The following MTSS1 variants were observed in gnomAD, a reference collection of about 807,000 sequenced individuals.
The protein encoded by MTSS1 is protein MTSS 1.
A neutral mutation model predicts 79.0 loss-of-function variants in MTSS1; 18 were observed. That is an observed-to-expected ratio of 0.23 (90% CI 0.16 to 0.34). The LOEUF (loss-of-function observed/expected upper bound fraction) is 0.34. Among genes scored for constraint, MTSS1 ranks in the 10% least tolerant of loss-of-function variants. MTSS1 has a pLI of 1.00. For missense variants in MTSS1, 815 were observed against 986.2 expected (o/e 0.83, Z 2.33); for synonymous variants, 341 against 368.6 (o/e 0.93, Z 0.86).
intron 4 of MTSS1, among the ~76,000 whole-genome samples, chr8:124,590,640 A>T (rs1831690486): frequency 6.6e-6 from 1 of 152,136 alleles, no homozygotes; most frequent in Non-Finnish European, 1.5e-5. Flanking sequence ...GTCCATTTTC[A>T]CTTGAACATT....
At chr8:124,708,382 A>G (rs1830686698) in intron 1 of MTSS1, among the ~76,000 whole-genome samples, 1 of 152,232 alleles carries the variant, frequency 6.6e-6, no homozygotes, top group Non-Finnish European at 1.5e-5. Context: ...TGTGGGGGAC[A>G]GACTGTAAAG....
Position 124,568,556 on chromosome 8 carries a change from A to G in MTSS1, c.461-20T>C, listed in dbSNP as rs1827026963. 1 of 1,614,138 alleles carries G rather than the reference A, an allele frequency of 6.2e-7. No individual in the cohort carries two copies. ...CTCTCCCTGCAAAAAACAGAGACCC[A>G]AGCACGGCTTGCTGAAATACCAGCT... On this transcript the variant is annotated intron_variant, in intron 6 of 13. Transcript: ENST00000518547.
chr8:124,691,319 A>C (rs7014786), intron 3 of MTSS1, among the ~76,000 whole-genome samples: 42,628 of 152,064 alleles, frequency 0.28, 6,242 homozygotes, highest in East Asian at 0.5. Context: ...TATCTTGAAG[A>C]TATGCTTACA....
intron 3 of MTSS1, among the ~76,000 whole-genome samples, chr8:124,633,241 T>C (rs1054746360): frequency 3.9e-5 from 6 of 152,196 alleles, no homozygotes; most frequent in Non-Finnish European, 8.8e-5. Flanking sequence ...GTTGTCATTT[T>C]AGGCATCAAA....
intron 3 of MTSS1, among the ~76,000 whole-genome samples, chr8:124,617,110 C>T (rs563268278): frequency 4.6e-5 from 7 of 152,302 alleles, no homozygotes; most frequent in Non-Finnish European, 1.0e-4. Context: ...CAGTGTCTAC[C>T]GCTACCACAC....
chr8:124,703,968 A>G (rs149500863), intron 2 of MTSS1, among the ~76,000 whole-genome samples, 162 bp downstream of exon 2: 55 of 152,336 alleles, frequency 3.6e-4, no homozygotes, highest in African/African-American at 1.2e-3. Flanking sequence ...GGCCCAGGAT[A>G]TATGGCTATA....
At chr8:124,670,433 G>A (rs1563968956) in intron 3 of MTSS1, among the ~76,000 whole-genome samples, 1 of 151,844 alleles carries the variant, frequency 6.6e-6, no homozygotes, top group Non-Finnish European at 1.5e-5. Context: ...ACACAGCCTG[G>A]CGGCACCCCA....
intron 3 of MTSS1, among the ~76,000 whole-genome samples, chr8:124,617,408 A>G (rs1386895520): frequency 2.0e-5 from 3 of 151,960 alleles, no homozygotes; most frequent in African/African-American, 4.8e-5. Context: ...CATTTATCCT[A>G]ATTTTCCTGG....
At chr8:124,616,207 G>A (rs1165378190) in intron 3 of MTSS1, among the ~76,000 whole-genome samples, 1 of 152,162 alleles carries the variant, frequency 6.6e-6, no homozygotes, top group Non-Finnish European at 1.5e-5. Flanking sequence ...GCTTCAGCAT[G>A]CAACAGACAA....
At chr8:124,693,989 G>T (rs1828379324) in intron 3 of MTSS1, among the ~76,000 whole-genome samples, 1 of 152,144 alleles carries the variant, frequency 6.6e-6, no homozygotes. Flanking sequence ...TTTACTCAAG[G>T]TCACATAGCT....
chr8:124,671,621 A>C (rs975151199), intron 3 of MTSS1, among the ~76,000 whole-genome samples: 1 of 152,206 alleles, frequency 6.6e-6, no homozygotes, highest in Non-Finnish European at 1.5e-5. Flanking sequence ...TGGGTGGCTC[A>C]AACATTGGAG....
chr8:124,686,410 T>TGTGGA (rs2135112518), intron 3 of MTSS1, among the ~76,000 whole-genome samples: 1 of 152,304 alleles, frequency 6.6e-6, no homozygotes, highest in Admixed American at 6.5e-5. Context: ...TTTAGTAAGA[T>TGTGGA]GTGGACTCTT....
chr8:124,589,536 T>C, intron 5 of MTSS1, 84 bp downstream of exon 5: 3 of 1,080,116 alleles, frequency 2.8e-6, no homozygotes, highest in Non-Finnish European at 4.1e-6. Flanking sequence ...CCAATAAACC[T>C]AGCAGAGGGG....
At chr8:124,714,162 T>C (rs533869384) in intron 1 of MTSS1, among the ~76,000 whole-genome samples, 1 of 152,300 alleles carries the variant, frequency 6.6e-6, no homozygotes, top group African/African-American at 2.4e-5. Context: ...TGGCCAAGTT[T>C]TCAAAGGTGA....
chr8:124,599,688 G>A (rs1470328614), intron 3 of MTSS1, among the ~76,000 whole-genome samples: 1 of 151,836 alleles, frequency 6.6e-6, no homozygotes, highest in Non-Finnish European at 1.5e-5. Flanking sequence ...TGAGGTAAGT[G>A]ACCCCCTCCT....
chr8:124,697,158 C>A (rs529667306), intron 3 of MTSS1, among the ~76,000 whole-genome samples: 1 of 151,608 alleles, frequency 6.6e-6, no homozygotes, highest in Admixed American at 6.6e-5. Flanking sequence ...AGGATCCATC[C>A]AAGAATTAAA....
intron 1 of MTSS1, among the ~76,000 whole-genome samples, chr8:124,719,376 T>A (rs1291102908): frequency 6.6e-6 from 1 of 152,064 alleles, no homozygotes; most frequent in African/African-American, 2.4e-5. Flanking sequence ...CGAGCGAGGG[T>A]GTCACCCAGA....
At chr8:124,600,692 C>T (rs1202976057) in intron 3 of MTSS1, among the ~76,000 whole-genome samples, 3 of 152,218 alleles carry the variant, frequency 2.0e-5, no homozygotes, top group Non-Finnish European at 4.4e-5. Context: ...CCCCACTCCT[C>T]CCACATCTAA....
rs1587873117 is a variant in MTSS1 at position 124,699,546 on chromosome 8, T to C, written c.188A>G (p.Asp63Gly). Reference sequence around the variant, plus strand: ...CTTACCACGTGTGTTGGTGGCCATGTCAGCCACTTTCTGAAAGGCGTCCAA... The same window carrying C: ...CTTACCACGTGTGTTGGTGGCCATGCCAGCCACTTTCTGAAAGGCGTCCAA... ...AFLDAFQKVA[D>G]MATNTRGGTR... is the part of the protein sequence containing the mutation. The change falls in exon 3 of 14, where the codon GAC (aspartate) becomes GGC (glycine). Residue 63 changes from aspartate to glycine, a missense_variant. Physicochemically the swap from Asp to Gly is moderately conservative, Grantham distance 94. Transcript: ENST00000518547. 1 of 1,614,186 alleles carries C rather than the reference T, an allele frequency of 6.2e-7. No individual in the cohort carries two copies. Among genetic ancestry groups the C allele is most frequent in the Non-Finnish European group, 8.5e-7 (1 of 1,180,026 alleles).
Sources: gnomAD v4.1 joint callset for allele counts (sites outside exome capture counted in the v4.1 genomes callset) on GRCh38, gnomAD v4.1.1 for gene constraint, MANE v1.5 for transcripts, NCBI Gene and HGNC (gene_info 2026-07-23, HGNC 2026-07-21) for gene names.